Variants in PDE12 observed in about 807,000 individuals in gnomAD.
PDE12 encodes 2',5'-phosphodiesterase 12.
A neutral mutation model predicts 45.4 loss-of-function variants in PDE12; 26 were observed. The observed-to-expected ratio is 0.57, with a 90% CI of 0.42 to 0.79. The LOEUF (loss-of-function observed/expected upper bound fraction) is 0.79, where lower values mean the gene tolerates loss of function less well. Ranked by LOEUF, PDE12 falls within the 30% of genes least tolerant of loss-of-function variation. The pLI, the probability that PDE12 is intolerant of heterozygous loss-of-function variation, is 0.00. For missense variants in PDE12, 668 were observed against 790.0 expected, an observed-to-expected ratio of 0.85 and a Z score of 1.85; for synonymous variants, 283 against 323.9, an observed-to-expected ratio of 0.87 and a Z score of 1.36.
chr3:57,567,479 T>G (rs2153407916), downstream of PDE12, among the ~76,000 whole-genome samples: 1 of 152,326 alleles, frequency 6.6e-6, no homozygotes, highest in East Asian at 1.9e-4. Context: ...GATAAGCACT[T>G]CTGCTATTCA....
the PDE12 span, among the ~76,000 whole-genome samples, chr3:57,589,102 CAAA>C: frequency 7.0e-6 from 1 of 142,426 alleles, no homozygotes. Flanking sequence ...AACTCCGTCT[CAAA>C]AAAAAAAAAA....
the PDE12 span, among the ~76,000 whole-genome samples, chr3:57,633,922 C>T: frequency 6.6e-6 from 1 of 151,476 alleles, no homozygotes; most frequent in African/African-American, 2.4e-5. Context: ...ACTATAAAGA[C>T]AATCTTTATT....
At chr3:57,595,638 T>C in the PDE12 span, among the ~76,000 whole-genome samples, 4 of 152,150 alleles carry the variant, frequency 2.6e-5, no homozygotes, top group Non-Finnish European at 4.4e-5. Flanking sequence ...CAAGTTTTGA[T>C]GGTAGTACAG....
At chr3:57,603,589 T>G in the PDE12 span, among the ~76,000 whole-genome samples, 3 of 151,558 alleles carry the variant, frequency 2.0e-5, no homozygotes, top group Non-Finnish European at 4.4e-5. Context: ...TGTGCTGGGA[T>G]TATAAGCATG....
chr3:57,579,617 C>T, the PDE12 span, among the ~76,000 whole-genome samples: 4 of 152,154 alleles, frequency 2.6e-5, no homozygotes, highest in Non-Finnish European at 5.9e-5. Flanking sequence ...GTTTACCTCT[C>T]AGGATTACCA....
the PDE12 span, among the ~76,000 whole-genome samples, chr3:57,635,558 G>T: frequency 1.3e-5 from 2 of 152,076 alleles, no homozygotes; most frequent in Non-Finnish European, 2.9e-5. Flanking sequence ...ACAATCTAGA[G>T]ATTATATTAT....
chr3:57,651,678 TATTTA>T, the PDE12 span, among the ~76,000 whole-genome samples: 12 of 151,744 alleles, frequency 7.9e-5, no homozygotes, highest in East Asian at 1.9e-3. Context: ...CAAACCAGTT[TATTTA>T]ATTACCAAAA....
chr3:57,556,834 A>G lies in PDE12; in HGVS notation c.455A>G (p.Asp152Gly), dbSNP rs1007889394. 1 of 1,613,922 alleles carries G rather than the reference A, an allele frequency of 6.2e-7. No homozygotes were observed. Among genetic ancestry groups the G allele is most frequent in the Non-Finnish European group, 8.5e-7 (1 of 1,179,968 alleles). The change falls in exon 1 of 3, where the codon GAT (aspartate) becomes GGT (glycine). Residue 152 changes from aspartate (D) to glycine (G), a missense_variant. By Grantham distance (94) the Asp-to-Gly change is moderately conservative. Coordinates refer to ENST00000311180, the MANE Select transcript of PDE12 (RefSeq NM_177966.7). The surrounding 1 kb of genome is among the most constrained non-coding windows in gnomAD (Gnocchi z 5.0). ...GACGGCGCGGTGCTGCAGATCGGCG[A>G]TGTTAAGTACAAGGTGGAGCGCAAC... is the stretch of plus-strand genomic sequence containing the variant. ...WQDGAVLQIGDVKYKVERNPP... is the reference protein window; with the variant it reads ...WQDGAVLQIGGVKYKVERNPP...
the PDE12 span, among the ~76,000 whole-genome samples, chr3:57,649,922 TACACACAC>T: frequency 6.7e-6 from 1 of 148,414 alleles, no homozygotes; most frequent in African/African-American, 2.5e-5. Flanking sequence ...TGTATATATA[TACACACAC>T]ACACACACAC....
At chr3:57,576,504 CTTTTTTTTT>C in the PDE12 span, among the ~76,000 whole-genome samples, 2 of 101,616 alleles carry the variant, frequency 2.0e-5, no homozygotes, top group South Asian at 3.3e-4. Context: ...CTCAACCAAG[CTTTTTTTTT>C]TTTTTTTTTT....
At chr3:57,623,140 T>G in the PDE12 span, among the ~76,000 whole-genome samples, 2 of 152,196 alleles carry the variant, frequency 1.3e-5, 1 homozygote, top group Admixed American at 1.3e-4. Context: ...CTGGGAAAGG[T>G]GGCTCACACC....
the PDE12 span, among the ~76,000 whole-genome samples, chr3:57,620,273 G>T: frequency 6.6e-6 from 1 of 151,814 alleles, no homozygotes; most frequent in Non-Finnish European, 1.5e-5. Context: ...ACAAAGAGCC[G>T]GACAAAGTGG....
chr3:57,583,867 A>G, the PDE12 span: 5 of 1,455,714 alleles, frequency 3.4e-6, no homozygotes, highest in Non-Finnish European at 2.9e-6. Context: ...ACCCACAAAG[A>G]AAAGTTATAA....
the PDE12 span, among the ~76,000 whole-genome samples, chr3:57,617,867 T>C: frequency 1.4e-5 from 2 of 147,226 alleles, no homozygotes; most frequent in Non-Finnish European, 3.0e-5. Context: ...AGTGAGACTC[T>C]GCCTTAAAAA....
rs2069737968 is a variant in PDE12, at chr3:57,562,470, A to G, written c.*2466A>G. The G allele has an allele frequency of 6.6e-6, 1 of 152,212 alleles. No individual in the cohort carries two copies. Among genetic ancestry groups the G allele is most frequent in the Non-Finnish European group, 1.5e-5 (1 of 68,034 alleles). 9.4% of individuals were successfully genotyped at this position (152,212 alleles called of 1,614,324 possible). A position where few individuals can be genotyped will look rare whatever the true frequency, so the allele number is the denominator to read the frequency against. ...AACACTAAGAAAATGTATAAATAGC[A>G]TACACATTTCTTTGTACTCATGAGT... On this transcript the variant is annotated 3_prime_UTR_variant, in exon 3 of 3. Coordinates refer to ENST00000311180, the MANE Select transcript of PDE12 (RefSeq NM_177966.7).
the PDE12 span, among the ~76,000 whole-genome samples, chr3:57,615,460 A>G: frequency 6.6e-6 from 1 of 152,180 alleles, no homozygotes; most frequent in Non-Finnish European, 1.5e-5. Context: ...AGTAACTAAA[A>G]AAAGAGAGAG....
In PDE12 at chr3:57,557,540, A is replaced by C; in HGVS notation, c.1161A>C (p.Arg387=). 1.2e-6 allele frequency: 2 copies of C among 1,614,080 alleles called. No individual in the cohort carries two copies. The highest frequency in any genetic ancestry group is 8.5e-7 in the Non-Finnish European group (1 of 1,180,026). Residue 387 remains arginine, a synonymous_variant, in exon 1 of 3, where the codon CGA becomes CGC. Coordinates refer to ENST00000311180, the MANE Select transcript of PDE12 (RefSeq NM_177966.7). ...KQHEGLATFY[R]KSKFSLLSQH... Reference sequence around the variant, plus strand: ...ACGAAGGCCTGGCCACTTTCTACCGAAAGTCTAAGTTCAGCCTTCTTAGCC... The same window carrying C: ...ACGAAGGCCTGGCCACTTTCTACCGCAAGTCTAAGTTCAGCCTTCTTAGCC...
At chr3:57,590,444 C>T in the PDE12 span, among the ~76,000 whole-genome samples, 158 of 152,166 alleles carry the variant, frequency 1.0e-3, no homozygotes, top group African/African-American at 3.8e-3. Flanking sequence ...CGAGATTGCG[C>T]CACTGCACTC....
At chr3:57,635,873 C>T in the PDE12 span, among the ~76,000 whole-genome samples, 28 of 152,106 alleles carry the variant, frequency 1.8e-4, no homozygotes, top group African/African-American at 6.5e-4. Flanking sequence ...TTAGCAAGAC[C>T]ATTCCCTCCT....
Sources: allele counts gnomAD v4.1 joint callset (sites outside exome capture counted in the v4.1 genomes callset), GRCh38; gene constraint gnomAD v4.1.1; non-coding constraint Gnocchi (gnomAD v3.1); transcripts MANE v1.5; gene names NCBI Gene and HGNC (gene_info 2026-07-23, HGNC 2026-07-21).